The following TASP1 variants were observed in gnomAD, a reference collection of about 807,000 sequenced individuals.
TASP1 encodes the protein threonine aspartase 1.
TASP1 carries 16 observed loss-of-function variants against 56.6 expected under a neutral mutation model. That is an observed-to-expected ratio of 0.28 (90% CI 0.19 to 0.43). The LOEUF (loss-of-function observed/expected upper bound fraction) is 0.43, where lower values mean the gene tolerates loss of function less well. TASP1 is among the 20% of genes least tolerant of loss of function. The pLI is 1.00. For synonymous variants in TASP1, 179 were observed against 184.2 expected (o/e 0.97, Z 0.23); for missense variants, 393 against 511.6 (o/e 0.77, Z 2.24).
chr20:13,279,276 C>A, the TASP1 span, among the ~76,000 whole-genome samples: 1 of 152,184 alleles, frequency 6.6e-6, no homozygotes, highest in Admixed American at 6.5e-5. Context: ...GAGTGAAAGG[C>A]TTCTCAATAC....
At chr20:13,530,786 C>G (rs1405140141) in intron 9 of TASP1, among the ~76,000 whole-genome samples, 1 of 152,140 alleles carries the variant, frequency 6.6e-6, no homozygotes, top group African/African-American at 2.4e-5. Context: ...TGGGCTGAGA[C>G]AGTGATAGGT....
At chr20:13,223,713 C>T in the TASP1 span, among the ~76,000 whole-genome samples, 6 of 152,182 alleles carry the variant, frequency 3.9e-5, no homozygotes, top group African/African-American at 1.4e-4. Flanking sequence ...GAGGGAATTT[C>T]TATGCGGAAG....
chr20:13,507,214 G>A (rs918174919), intron 10 of TASP1, among the ~76,000 whole-genome samples: 3 of 151,986 alleles, frequency 2.0e-5, no homozygotes, highest in Non-Finnish European at 4.4e-5. Context: ...TAACTAAGAA[G>A]ATAAAAGACC....
chr20:13,468,779 C>G (rs978806712), intron 11 of TASP1, among the ~76,000 whole-genome samples: 3 of 151,450 alleles, frequency 2.0e-5, no homozygotes, highest in Non-Finnish European at 2.9e-5. Flanking sequence ...AGACAAAAAG[C>G]TTTTTGATCA....
chr20:13,529,041 G>A (rs896204753), intron 9 of TASP1, among the ~76,000 whole-genome samples: 1 of 152,118 alleles, frequency 6.6e-6, no homozygotes, highest in African/African-American at 2.4e-5. Context: ...TGCTTCAAGA[G>A]GGCCTTTTCC....
chr20:13,545,579 C>T (rs2045777813), intron 8 of TASP1, among the ~76,000 whole-genome samples: 1 of 152,164 alleles, frequency 6.6e-6, no homozygotes, highest in African/African-American at 2.4e-5. Flanking sequence ...CATTCCCCCA[C>T]CAGGAATTAC....
chr20:13,528,269 C>T (rs973747074), intron 10 of TASP1, among the ~76,000 whole-genome samples, 164 bp downstream of exon 10: 1 of 143,780 alleles, frequency 7.0e-6, no homozygotes, highest in East Asian at 2.1e-4. Flanking sequence ...AGTATTTACA[C>T]TGATACTAAA....
intron 13 of TASP1, among the ~76,000 whole-genome samples, chr20:13,415,168 G>A (rs142964717): frequency 5.1e-4 from 77 of 152,062 alleles, no homozygotes; most frequent in Middle Eastern, 3.4e-3. Flanking sequence ...AACATGTTTC[G>A]GAAACCAGTC....
At chr20:13,531,611 C>T (rs2045222706) in intron 9 of TASP1, among the ~76,000 whole-genome samples, 2 of 151,708 alleles carry the variant, frequency 1.3e-5, no homozygotes, top group African/African-American at 4.8e-5. Context: ...CTGCCTCAGT[C>T]TCCCCAAGTA....
At chr20:13,468,847 GT>G (rs1385828586) in intron 11 of TASP1, among the ~76,000 whole-genome samples, 5 of 139,976 alleles carry the variant, frequency 3.6e-5, no homozygotes, top group African/African-American at 1.0e-4. Context: ...AGAATTTTTG[GT>G]TTTTTTATGT....
intron 4 of TASP1, chr20:13,616,789 C>G (rs1349990074): frequency 4.3e-6 from 1 of 233,734 alleles, no homozygotes; most frequent in East Asian, 1.3e-4. Context: ...TACAAGTTGC[C>G]CCTTAGTACT....
chr20:13,527,923 T>C (rs1047737302), intron 10 of TASP1, among the ~76,000 whole-genome samples: 2 of 152,082 alleles, frequency 1.3e-5, no homozygotes, highest in African/African-American at 4.8e-5. Flanking sequence ...TCCAGAGTTG[T>C]ATTGAAAATG....
At chr20:13,620,288 A>ACACACACACC (rs2048665089) in intron 4 of TASP1, among the ~76,000 whole-genome samples, 1 of 152,044 alleles carries the variant, frequency 6.6e-6, no homozygotes, top group African/African-American at 2.4e-5. Flanking sequence ...ACACACACAC[A>ACACACACACC]CACACACACA....
At chr20:13,172,276 T>C in the TASP1 span, among the ~76,000 whole-genome samples, 1 of 152,110 alleles carries the variant, frequency 6.6e-6, no homozygotes, top group Non-Finnish European at 1.5e-5. Flanking sequence ...AGGGAAGAAC[T>C]TAAAATTGTT....
chr20:13,517,959 T>C (rs1395409725), intron 10 of TASP1, among the ~76,000 whole-genome samples: 1 of 152,130 alleles, frequency 6.6e-6, no homozygotes, highest in Non-Finnish European at 1.5e-5. Flanking sequence ...ATGAATATTA[T>C]TTTTCCCACC....
intron 10 of TASP1, among the ~76,000 whole-genome samples, chr20:13,492,158 C>T (rs984001596): frequency 1.3e-5 from 2 of 152,168 alleles, no homozygotes; most frequent in East Asian, 3.8e-4. Context: ...ACCCCTGGCA[C>T]ACCACACGTC....
chr20:13,533,599 C>T (rs2045306911), intron 9 of TASP1, among the ~76,000 whole-genome samples: 1 of 152,068 alleles, frequency 6.6e-6, no homozygotes, highest in African/African-American at 2.4e-5. Flanking sequence ...GGCCAAATGT[C>T]ACAATACATG....
intron 11 of TASP1, among the ~76,000 whole-genome samples, chr20:13,469,792 CTTTTTTTTTTTTT>C (rs546419566): frequency 8.2e-3 from 326 of 39,544 alleles, no homozygotes; most frequent in East Asian, 0.03. Context: ...AATAAATGTC[CTTTTTTTTTTTTT>C]TTTTTTTTTT....
chr20:13,555,301 T>C (rs979508272), intron 8 of TASP1, among the ~76,000 whole-genome samples: 1 of 147,318 alleles, frequency 6.8e-6, no homozygotes, highest in African/African-American at 2.5e-5. Flanking sequence ...GGAGAATTGC[T>C]TGAACCTGTG....
Sources: allele counts gnomAD v4.1 joint callset (sites outside exome capture counted in the v4.1 genomes callset), GRCh38; gene constraint gnomAD v4.1.1; transcripts MANE v1.5; gene names NCBI Gene and HGNC (gene_info 2026-07-23, HGNC 2026-07-21).